The following KLHDC10 variants were observed in gnomAD, a reference collection of about 807,000 sequenced individuals.
KLHDC10 encodes the protein kelch domain-containing protein 10.
KLHDC10 carries 24 observed loss-of-function variants against 56.1 expected under a neutral mutation model. That is an observed-to-expected ratio of 0.43 (90% confidence interval 0.31 to 0.60). The LOEUF (loss-of-function observed/expected upper bound fraction) is 0.60. KLHDC10 is among the 20% of genes least tolerant of loss of function. The pLI is 0.11. For synonymous variants in KLHDC10, 188 were observed against 207.1 expected, an observed-to-expected ratio of 0.91 and a Z score of 0.79; for missense variants, 349 against 567.0, an observed-to-expected ratio of 0.62 and a Z score of 3.91.
chr7:130,084,738 C>T (rs1165553129), intron 1 of KLHDC10, among the ~76,000 whole-genome samples: 1 of 149,188 alleles, frequency 6.7e-6, no homozygotes, highest in Non-Finnish European at 1.5e-5. Context: ...GATTGCACCA[C>T]AGCACTCCAG....
Position 130,095,209 on chromosome 7 carries a change from A to T in KLHDC10, c.167-1712A>T, listed in dbSNP as rs113888653. 6.0e-3 allele frequency among the ~76,000 whole-genome samples: 916 copies of T among 151,956 alleles called. 8 individuals are homozygous for T. Among genetic ancestry groups the T allele is most frequent in the African/African-American group, 0.02 (826 of 41,510 alleles). On this transcript the variant is annotated intron_variant, in intron 1 of 9. Transcript: ENST00000335420. ...GAATGTCATAAACCTGTACATTAAAAATATATATATACTTATATTTATCCA... is the reference window on the plus strand; with the variant it reads ...GAATGTCATAAACCTGTACATTAAATATATATATATACTTATATTTATCCA...
chr7:130,086,994 C>T (rs1182750412), intron 1 of KLHDC10, among the ~76,000 whole-genome samples: 1 of 152,156 alleles, frequency 6.6e-6, no homozygotes, highest in African/African-American at 2.4e-5. Context: ...TTACTTATAA[C>T]CCAGTAAGGG....
intron 2 of KLHDC10, among the ~76,000 whole-genome samples, chr7:130,106,372 A>T (rs1796008664): frequency 6.6e-6 from 1 of 152,204 alleles, no homozygotes; most frequent in African/African-American, 2.4e-5. Context: ...GTAATAAGAT[A>T]CAGATCTTTG....
At chr7:130,128,889 A>AAAAAAAAAAAT in intron 8 of KLHDC10, among the ~76,000 whole-genome samples, 32 of 66,950 alleles carry the variant, frequency 4.8e-4, no homozygotes, top group African/African-American at 5.9e-4. Context: ...AAAAAAAAAA[A>AAAAAAAAAAAT]ATATATATAT....
At position 130,120,630 on chromosome 7, in the gene KLHDC10, G is replaced by A; in HGVS notation, c.476-119G>A. 9.6e-7 allele frequency: 1 copy of A among 1,044,652 alleles called. No homozygotes were observed. The allele number at this position is 1,044,652 out of a possible 1,614,324, so 64.7% of individuals were successfully genotyped here. ...GCTACTAGTTAGATGTCAGTGGTTT[G>A]AGCTATCTTATGAGATCATTAAAGC... is the stretch of plus-strand genomic sequence containing the variant. On this transcript the variant is annotated intron_variant, in intron 3 of 9. Transcript: ENST00000335420. The surrounding 1 kb of genome is among the most constrained non-coding windows in gnomAD (Gnocchi z 5.1).
chr7:130,078,822 C>T (rs552794427), intron 1 of KLHDC10, among the ~76,000 whole-genome samples: 9 of 152,250 alleles, frequency 5.9e-5, no homozygotes, highest in African/African-American at 2.2e-4. Flanking sequence ...CTGGCCCCTC[C>T]TTTCACTTTT....
intron 3 of KLHDC10, among the ~76,000 whole-genome samples, chr7:130,118,120 G>A (rs1796195987): frequency 6.6e-6 from 1 of 152,066 alleles, no homozygotes; most frequent in Admixed American, 6.6e-5. Flanking sequence ...GTTGCAATAA[G>A]CCAAGATCGC....
chr7:130,091,832 A>T (rs1285332242), intron 1 of KLHDC10, among the ~76,000 whole-genome samples: 9 of 152,196 alleles, frequency 5.9e-5, no homozygotes, highest in Middle Eastern at 3.4e-3. Context: ...TTAATTTTTT[A>T]AAAAAACAAT....
At chr7:130,090,283 T>G (rs2116860719) in intron 1 of KLHDC10, among the ~76,000 whole-genome samples, 1 of 152,206 alleles carries the variant, frequency 6.6e-6, no homozygotes, top group Non-Finnish European at 1.5e-5. Flanking sequence ...TGTAGATTGA[T>G]TTACAGTTTT....
intron 1 of KLHDC10, among the ~76,000 whole-genome samples, chr7:130,078,366 T>C (rs1288355085): frequency 1.3e-5 from 2 of 151,506 alleles, no homozygotes; most frequent in Non-Finnish European, 2.9e-5. Flanking sequence ...AGAGCAAGAC[T>C]CCGTCTCCAA....
intron 1 of KLHDC10, among the ~76,000 whole-genome samples, chr7:130,092,925 A>T (rs1795796197): frequency 1.3e-5 from 2 of 150,796 alleles, no homozygotes; most frequent in South Asian, 4.2e-4. Flanking sequence ...CTTTAGTCCG[A>T]TTCTATCTGC....
At chr7:130,125,735 T>C (rs547796162) in intron 6 of KLHDC10, 130 bp from the exon 7 acceptor site, 3 of 684,804 alleles carry the variant, frequency 4.4e-6, no homozygotes, top group East Asian at 2.9e-5. Flanking sequence ...TCACTGTACC[T>C]TCTGCTCAGT....
rs1264977351 is a variant in KLHDC10, at chr7:130,120,264, T to C, written c.476-485T>C. Among the ~76,000 whole-genome samples, 1 of 152,204 alleles carries C rather than the reference T, an allele frequency of 6.6e-6. No individual in the cohort carries two copies. The highest frequency in any genetic ancestry group is 1.5e-5 in the Non-Finnish European group (1 of 68,030). ...CTGTAGTTCATGGAACTCAATATTA[T>C]TATACACAGTATTTAGTGAATTCCA... On this transcript the variant is annotated intron_variant, in intron 3 of 9. Transcript: ENST00000335420. The surrounding 1 kb of genome is among the most constrained non-coding windows in gnomAD (Gnocchi z 5.1).
intron 2 of KLHDC10, among the ~76,000 whole-genome samples, chr7:130,106,042 G>A (rs1044548531): frequency 1.3e-5 from 2 of 152,056 alleles, no homozygotes; most frequent in African/African-American, 2.4e-5. Context: ...CTGGCTACTC[G>A]GGAGACTGAG....
At chr7:130,109,649 T>C (rs1396532486) in intron 2 of KLHDC10, among the ~76,000 whole-genome samples, 1 of 152,100 alleles carries the variant, frequency 6.6e-6, no homozygotes, top group East Asian at 1.9e-4. Context: ...TTTTTGTTTG[T>C]TTGTTTTGAG....
At chr7:130,073,823 G>A (rs765403991) in intron 1 of KLHDC10, among the ~76,000 whole-genome samples, 1 of 151,964 alleles carries the variant, frequency 6.6e-6, no homozygotes, top group African/African-American at 2.4e-5. Context: ...TTTCTTCTCC[G>A]TTGCACTTCA....
Position 130,130,494 on chromosome 7 carries a change from G to A in KLHDC10, c.1120-43G>A, listed in dbSNP as rs1437031206. 2 of 1,520,758 alleles carry A rather than the reference G, an allele frequency of 1.3e-6. No individual in the cohort carries two copies. Among genetic ancestry groups the A allele is most frequent in the Non-Finnish European group, 1.8e-6 (2 of 1,095,324 alleles). 94.2% of individuals were successfully genotyped at this position (1,520,758 alleles called of 1,614,324 possible). A position where few individuals can be genotyped will look rare whatever the true frequency, so the allele number is the denominator to read the frequency against. On this transcript the variant is annotated intron_variant, in intron 9 of 9. Coordinates refer to ENST00000335420, the MANE Select transcript of KLHDC10 (RefSeq NM_014997.4). The surrounding 1 kb of genome is among the most constrained non-coding windows in gnomAD (Gnocchi z 4.2). ...CCCCACTGAGTCTTCAGCCTTGTATGTTTCTCTCCCGTTTGAATTTGTCCT... is the reference window on the plus strand; with the variant it reads ...CCCCACTGAGTCTTCAGCCTTGTATATTTCTCTCCCGTTTGAATTTGTCCT...
intron 1 of KLHDC10, among the ~76,000 whole-genome samples, chr7:130,083,477 TTTTTTAAAAA>T (rs1349396996): frequency 5.3e-5 from 8 of 152,160 alleles, no homozygotes; most frequent in Admixed American, 3.3e-4. Flanking sequence ...AGAGGAGAGA[TTTTTTAAAAA>T]CTTGGAATTT....
At chr7:130,088,541 G>A (rs981826970) in intron 1 of KLHDC10, among the ~76,000 whole-genome samples, 2 of 151,828 alleles carry the variant, frequency 1.3e-5, no homozygotes, top group Non-Finnish European at 2.9e-5. Context: ...TTCCCAAAGT[G>A]CTGGGATTAC....
Sources: gnomAD v4.1 joint callset for allele counts (sites outside exome capture counted in the v4.1 genomes callset) on GRCh38, gnomAD v4.1.1 for gene constraint, Gnocchi (gnomAD v3.1) non-coding constraint, MANE v1.5 for transcripts, NCBI Gene and HGNC (gene_info 2026-07-23, HGNC 2026-07-21) for gene names.